The following MYH10 variants were observed in gnomAD, a reference collection of about 807,000 sequenced individuals.
MYH10 encodes myosin heavy chain 10, also known as myosin-10.
A neutral mutation model predicts 257.8 loss-of-function variants in MYH10; 55 were observed. The ratio of observed to expected loss-of-function variants is 0.21; its 90% CI spans 0.17 to 0.27. The LOEUF (loss-of-function observed/expected upper bound fraction) is 0.27, where lower values mean the gene tolerates loss of function less well. Ranked by LOEUF, MYH10 falls within the 10% of genes least tolerant of loss-of-function variation. The pLI is 1.00. For synonymous variants in MYH10, 854 were observed against 921.7 expected (o/e 0.93, Z 1.33); for missense variants, 1,631 against 2,500.6 (o/e 0.65, Z 7.42).
intron 37 of MYH10, 76 bp downstream of exon 37, chr17:8,484,062 T>C (rs1914334025): frequency 7.2e-7 from 1 of 1,389,190 alleles, no homozygotes; most frequent in South Asian, 1.4e-5. Flanking sequence ...TACAAATATA[T>C]TAACTTTTTT....
At chr17:8,493,286 G>C (rs1016079714) in intron 32 of MYH10, among the ~76,000 whole-genome samples, 1 of 151,626 alleles carries the variant, frequency 6.6e-6, no homozygotes, top group Non-Finnish European at 1.5e-5. Context: ...GGAGGCTGCA[G>C]TGAGCTGAGA....
rs768167541 is a variant in MYH10 at position 8,508,525 on chromosome 17, C to G, written c.3214+29G>C. On this transcript the variant is annotated intron_variant, in intron 26 of 42. Coordinates refer to ENST00000360416, the MANE Select transcript of MYH10 (RefSeq NM_001256012.3). Reference sequence around the variant, plus strand: ...AAGCTAAACACTCACATGTCCTAGTCCCTGATTTCTCTAGCCCCAAATACT... The same window carrying G: ...AAGCTAAACACTCACATGTCCTAGTGCCTGATTTCTCTAGCCCCAAATACT... The G allele has an allele frequency of 2.5e-6, 4 of 1,613,680 alleles. No individual in the cohort carries two copies. The South Asian group carries it at 4.4e-5, about 18-fold the overall frequency.
At chr17:8,523,571 A>G (rs1055245227) in intron 17 of MYH10, among the ~76,000 whole-genome samples, 1 of 152,184 alleles carries the variant, frequency 6.6e-6, no homozygotes, top group Non-Finnish European at 1.5e-5. Context: ...GAAGGCCAGC[A>G]CGGAGGAGGA....
At chr17:8,489,708 A>ACACACACACAC (rs1555570829) in intron 35 of MYH10, among the ~76,000 whole-genome samples, 4,533 of 93,008 alleles carry the variant, frequency 0.049, 259 homozygotes, top group African/African-American at 0.068. Context: ...CGTCTGAAAA[A>ACACACACACAC]ACACACACAC....
chr17:8,477,030 G>C lies in MYH10; in HGVS notation c.5725C>G (p.Arg1909Gly). 6.2e-7 allele frequency: 1 copy of C among 1,614,034 alleles called. No individual in the cohort carries two copies. The highest frequency in any genetic ancestry group is 8.5e-7 in the Non-Finnish European group (1 of 1,180,028). ...AGCTGGCGTTTAAGCTGCTTCATCCGAGCGTTGGCCTTCTCCATCTTGGGG... is the reference window on the plus strand; with the variant it reads ...AGCTGGCGTTTAAGCTGCTTCATCCCAGCGTTGGCCTTCTCCATCTTGGGG... The part of the protein sequence containing the change: ...YKEQMEKANA[R>G]MKQLKRQLEE... The change falls in exon 42 of 43, where the codon CGG becomes GGG. Residue 1909 changes from arginine to glycine, a missense_variant. Arg to Gly is a moderately radical substitution (Grantham distance 125). Coordinates refer to ENST00000360416, the MANE Select transcript of MYH10 (RefSeq NM_001256012.3). This position sits in a 1 kb window ranked among gnomAD's most constrained non-coding sequence, Gnocchi z 4.2.
chr17:8,615,606 A>C (rs1474363561), intron 2 of MYH10, among the ~76,000 whole-genome samples: 2 of 152,230 alleles, frequency 1.3e-5, no homozygotes, highest in Non-Finnish European at 2.9e-5. Flanking sequence ...CATATAAAGA[A>C]TATTTGGTCC....
rs761805974 is a variant in MYH10 at position 8,487,484 on chromosome 17, C to T, written c.4995G>A (p.Glu1665=). 3.7e-6 allele frequency: 6 copies of T among 1,614,230 alleles called. No individual in the cohort carries two copies. In the South Asian group the frequency reaches 6.6e-5, roughly 18 times the overall value. ...CCTCATCCCGAGCTTTGTTCGCAGC[C>T]TCGATTTGGGCTTCGAGGTCCTTCA... The part of the protein sequence containing the change: ...IDLKDLEAQI[E]AANKARDEVI... Residue 1665 remains glutamate, a synonymous_variant, in exon 36 of 43, where the codon GAG becomes GAA. Transcript: ENST00000360416.
chr17:8,475,634 T>C lies in MYH10; in HGVS notation c.*170A>G, dbSNP rs536741111. Reference sequence around the variant, plus strand: ...TGTCTATATATAAAAAGGGGAGCAATTGTACCTAAGTCTGAAGCAGGATAC... The same window carrying C: ...TGTCTATATATAAAAAGGGGAGCAACTGTACCTAAGTCTGAAGCAGGATAC... On this transcript the variant is annotated 3_prime_UTR_variant, in exon 43 of 43. Coordinates refer to ENST00000360416, the MANE Select transcript of MYH10 (RefSeq NM_001256012.3). The C allele has an allele frequency of 4.4e-5, 31 of 699,428 alleles. No homozygotes were observed. The highest frequency in any genetic ancestry group is 2.3e-4 in the African/African-American group (13 of 56,544). 43.3% of individuals were successfully genotyped at this position (699,428 alleles called of 1,614,324 possible). A position where few individuals can be genotyped will look rare whatever the true frequency, so the allele number is the denominator to read the frequency against.
Position 8,500,977 on chromosome 17 carries a change from A to G in MYH10, c.3600-7T>C. The G allele has an allele frequency of 6.2e-7, 1 of 1,610,466 alleles. No homozygotes were observed. Among genetic ancestry groups the G allele is most frequent in the Non-Finnish European group, 8.5e-7 (1 of 1,179,076 alleles). On this transcript the variant is annotated splice_region_variant and splice_polypyrimidine_tract_variant and intron_variant, in intron 28 of 42. Transcript: ENST00000360416. ...TTCTTGTTCACGTTTTGTACTAGAG[A>G]AGGACATTTTTTAAGAGAGATCAGA... is the stretch of plus-strand genomic sequence containing the variant.
intron 21 of MYH10, 90 bp downstream of exon 21, chr17:8,518,541 C>T (rs1260471901): frequency 1.2e-5 from 16 of 1,378,236 alleles, no homozygotes; most frequent in East Asian, 2.3e-5. Context: ...GACTATGTCT[C>T]ACACACTCTT....
Position 8,535,308 on chromosome 17 carries a change from T to C in MYH10, c.1894+79A>G. 2 of 1,010,828 alleles carry C rather than the reference T, an allele frequency of 2.0e-6. No individual in the cohort carries two copies. Among genetic ancestry groups the C allele is most frequent in the Non-Finnish European group, 3.0e-6 (2 of 677,282 alleles). 62.6% of individuals were successfully genotyped at this position (1,010,828 alleles called of 1,614,324 possible). On this transcript the variant is annotated intron_variant, in intron 16 of 42. Transcript: ENST00000360416. The surrounding 1 kb of genome is among the most constrained non-coding windows in gnomAD (Gnocchi z 4.3). ...GTAAGAAGTTATATGTATCCATATA[T>C]ATGTAAAAGAACCATCTATAAACCT... is the stretch of plus-strand genomic sequence containing the variant.
Position 8,490,314 on chromosome 17 carries a change from T to G in MYH10, c.4884+26A>C, listed in dbSNP as rs1423469750. 7 of 1,606,806 alleles carry G rather than the reference T, an allele frequency of 4.4e-6. No homozygotes were observed. Among genetic ancestry groups the G allele is most frequent in the Admixed American group, 3.3e-5 (2 of 60,012 alleles). On this transcript the variant is annotated intron_variant, in intron 35 of 42. Coordinates refer to ENST00000360416, the MANE Select transcript of MYH10 (RefSeq NM_001256012.3). This position sits in a 1 kb window ranked among gnomAD's most constrained non-coding sequence, Gnocchi z 4.1. The stretch of plus-strand genomic sequence containing the variant: ...GGCTTTGAGAGCCTGCACCCCTTGT[T>G]GTGGAGGCCGCACCCTCTGCCCTAC...
Position 8,604,955 on chromosome 17 carries a change from T to C in MYH10, c.373A>G (p.Ile125Val), listed in dbSNP as rs974472050. 3.2e-6 allele frequency: 5 copies of C among 1,555,362 alleles called. No individual in the cohort carries two copies. In the African/African-American group the frequency reaches 5.4e-5, roughly 17 times the overall value. ...YTYSGLFCVV[I>V]NPYKNLPIYS... ...ATTGGAAGATTCTTGTAAGGGTTTA[T>C]AACTACACAGAAGAGTCCAGAATAA... The change falls in exon 3 of 43, where the codon ATA becomes GTA. Residue 125 changes from isoleucine (I) to valine (V), a missense_variant. By Grantham distance (29) the Ile-to-Val change is conservative (BLOSUM62 3). Around this residue, in one of 11 missense-constraint regions of MYH10, gnomAD observed 360 missense variants for 581.9 expected, o/e 0.62. Transcript: ENST00000360416.
rs1416282748 is a variant in MYH10, at chr17:8,492,648, T to TTG, written c.4458+127_4458+128insCA. The TTG allele has an allele frequency of 2.7e-5, 31 of 1,138,426 alleles. No individual in the cohort carries two copies. The African/African-American group carries it at 4.5e-4, about 16-fold the overall frequency. 70.5% of individuals were successfully genotyped at this position (1,138,426 alleles called of 1,614,324 possible). A position where few individuals can be genotyped will look rare whatever the true frequency, so the allele number is the denominator to read the frequency against. ...TGTATTTCCTTTTTTTTTTTTTTTT[T>TTG]GCTTTCCCTTTTTCCAATTTTGATA... On this transcript the variant is annotated intron_variant, in intron 33 of 42. Transcript: ENST00000360416.
chr17:8,583,121 T>C (rs2083770637), intron 4 of MYH10, among the ~76,000 whole-genome samples: 1 of 152,206 alleles, frequency 6.6e-6, no homozygotes. Flanking sequence ...GCACTGGCAC[T>C]ACCTCATCAG....
chr17:8,495,424 G>A (rs1194000486), intron 30 of MYH10, among the ~76,000 whole-genome samples, 183 bp from the exon 31 acceptor site: 4 of 152,154 alleles, frequency 2.6e-5, no homozygotes, highest in African/African-American at 9.6e-5. Flanking sequence ...CAAATAAGTA[G>A]GTACTAGAAC....
intron 6 of MYH10, among the ~76,000 whole-genome samples, chr17:8,574,262 A>T (rs1254654339): frequency 3.9e-5 from 6 of 152,218 alleles, no homozygotes; most frequent in Non-Finnish European, 8.8e-5. Flanking sequence ...ATATTATGCT[A>T]AAAGAAAGAA....
chr17:8,520,120 A>G (rs2081605840), intron 19 of MYH10, among the ~76,000 whole-genome samples: 1 of 152,222 alleles, frequency 6.6e-6, no homozygotes, highest in Admixed American at 6.5e-5. Context: ...GTTTTTAGGA[A>G]TCACTCCTTG....
chr17:8,489,743 A>ACACACCCACC (rs1437818172), intron 35 of MYH10, among the ~76,000 whole-genome samples: 5 of 150,162 alleles, frequency 3.3e-5, no homozygotes, highest in Non-Finnish European at 7.4e-5. Context: ...ACACACACAC[A>ACACACCCACC]CACCCCAAAT....
Sources: gnomAD v4.1 joint callset for allele counts (sites outside exome capture counted in the v4.1 genomes callset) on GRCh38, gnomAD v4.1.1 for gene constraint, gnomAD v4.1.1 regional missense constraint, Gnocchi (gnomAD v3.1) non-coding constraint, MANE v1.5 for transcripts, NCBI Gene and HGNC (gene_info 2026-07-23, HGNC 2026-07-21) for gene names.